FAM110B: variants seen among roughly 807,000 people sequenced by gnomAD.
FAM110B encodes family with sequence similarity 110 member B.
Under a neutral mutation model 20.4 loss-of-function variants are expected in FAM110B, and 6 were observed. The ratio of observed to expected loss-of-function variants is 0.29; its 90% CI spans 0.16 to 0.58. The LOEUF (loss-of-function observed/expected upper bound fraction) is 0.58, where lower values mean the gene tolerates loss of function less well. Among genes scored for constraint, FAM110B ranks in the 20% least tolerant of loss-of-function variants. The pLI, the probability that FAM110B is intolerant of heterozygous loss-of-function variation, is 0.90. For missense variants in FAM110B, 434 were observed against 498.2 expected (o/e 0.87, Z 1.23); for synonymous variants, 226 against 214.1 (o/e 1.06, Z -0.49).
chr8:58,123,384 C>A (rs766951660), intron 3 of FAM110B, among the ~76,000 whole-genome samples: 8 of 152,150 alleles, frequency 5.3e-5, no homozygotes, highest in Non-Finnish European at 8.8e-5. Flanking sequence ...TGATTGCCAC[C>A]GTCCTGTGAG....
At chr8:58,134,264 T>A (rs1413187571) in intron 3 of FAM110B, among the ~76,000 whole-genome samples, 1 of 152,244 alleles carries the variant, frequency 6.6e-6, no homozygotes, top group Non-Finnish European at 1.5e-5. Flanking sequence ...ACTATTTTTT[T>A]AAGTGAACTC....
intron 3 of FAM110B, among the ~76,000 whole-genome samples, chr8:58,079,389 T>A (rs1253910466): frequency 6.6e-6 from 1 of 151,602 alleles, no homozygotes; most frequent in South Asian, 2.1e-4. Context: ...AGGGATAGTC[T>A]CCCTCATACT....
chr8:58,099,887 G>T (rs1282491449), intron 3 of FAM110B, among the ~76,000 whole-genome samples: 1 of 152,104 alleles, frequency 6.6e-6, no homozygotes, highest in African/African-American at 2.4e-5. Flanking sequence ...TCATTTTAAA[G>T]ATTTTTATTG....
intron 3 of FAM110B, among the ~76,000 whole-genome samples, chr8:58,098,616 C>T (rs182759308): frequency 6.6e-6 from 1 of 152,298 alleles, no homozygotes; most frequent in Non-Finnish European, 1.5e-5. Flanking sequence ...GAAGCTAGCT[C>T]GATGTCTGCC....
chr8:58,030,703 CTGTCTGT>C (rs1804946778), intron 1 of FAM110B, among the ~76,000 whole-genome samples: 1 of 152,204 alleles, frequency 6.6e-6, no homozygotes, highest in African/African-American at 2.4e-5. Context: ...ACTTCCTTCC[CTGTCTGT>C]TGGCTCCTGC....
chr8:58,142,335 T>A (rs1293590176), intron 3 of FAM110B, among the ~76,000 whole-genome samples: 2 of 152,020 alleles, frequency 1.3e-5, no homozygotes, highest in Non-Finnish European at 2.9e-5. Flanking sequence ...GTAATCTGGG[T>A]CTCACCCGAA....
At chr8:58,098,030 A>C (rs935642103) in intron 3 of FAM110B, among the ~76,000 whole-genome samples, 6 of 152,220 alleles carry the variant, frequency 3.9e-5, no homozygotes, top group Non-Finnish European at 7.3e-5. Flanking sequence ...TCAGGGACCC[A>C]CTTGAGGGGG....
chr8:58,082,650 G>A (rs1030709481), intron 3 of FAM110B, among the ~76,000 whole-genome samples: 2 of 151,982 alleles, frequency 1.3e-5, no homozygotes, highest in East Asian at 1.9e-4. Context: ...CTGTAGAATC[G>A]AGCACAGAAT....
At chr8:58,048,502 C>G (rs1196058543) in intron 2 of FAM110B, among the ~76,000 whole-genome samples, 1 of 152,118 alleles carries the variant, frequency 6.6e-6, no homozygotes, top group Non-Finnish European at 1.5e-5. Flanking sequence ...CCTTCCTTCC[C>G]CCTGCCCTCC....
Position 58,094,644 on chromosome 8 carries a change from G to A in FAM110B, c.-325+19021G>A, listed in dbSNP as rs564945152. ...AGCTTTTTGATGTGCTGCCAGATTC[G>A]GTTTGCCAGTATTTTATTGAAGCTT... On this transcript the variant is annotated intron_variant, in intron 3 of 3. Coordinates refer to ENST00000519262, the MANE Select transcript of FAM110B (RefSeq NM_001377989.1). 2.6e-5 allele frequency among the ~76,000 whole-genome samples: 4 copies of A among 152,220 alleles called. No homozygotes were observed. The South Asian group carries it at 6.2e-4, about 24-fold the overall frequency.
In FAM110B at chr8:58,006,901, G is replaced by GTATATA. The variant is rs761091750; in HGVS notation, c.-512+12113_-512+12118dup. On this transcript the variant is annotated intron_variant, in intron 1 of 3. Coordinates refer to ENST00000519262, the MANE Select transcript of FAM110B (RefSeq NM_001377989.1). ...TGAGCCACTGGGCCTGGCTTAATTG[G>GTATATA]TATATATATATATATATATATATTT... Among the ~76,000 whole-genome samples the GTATATA allele has an allele frequency of 1.0e-3, 99 of 97,534 alleles. 5 individuals carry two copies. Among genetic ancestry groups the GTATATA allele is most frequent in the African/African-American group, 2.1e-3 (62 of 29,084 alleles). The allele number at this position is 97,534 out of a possible 152,430, so 64.0% of individuals were successfully genotyped here.
chr8:58,014,810 A>G (rs542900047), intron 1 of FAM110B, among the ~76,000 whole-genome samples: 1 of 144,576 alleles, frequency 6.9e-6, no homozygotes, highest in Admixed American at 6.7e-5. Context: ...AAGCAAACCT[A>G]TTATCTTTAT....
intron 3 of FAM110B, among the ~76,000 whole-genome samples, chr8:58,086,878 C>G (rs993249048): frequency 7.9e-5 from 12 of 152,216 alleles, no homozygotes; most frequent in Admixed American, 2.6e-4. Flanking sequence ...AAGGTGAGGA[C>G]AGTGGAGCTG....
intron 1 of FAM110B, among the ~76,000 whole-genome samples, chr8:58,015,331 T>G (rs1041515639): frequency 2.6e-5 from 4 of 151,832 alleles, no homozygotes; most frequent in Non-Finnish European, 5.9e-5. Context: ...CACTCCAGCC[T>G]GGACGACAGA....
In FAM110B at chr8:58,089,493, C is replaced by T. The variant is rs79196385; in HGVS notation, c.-325+13870C>T. ...CCTTCTACACCCAAGGGCTTTTTCCCTCCCTTGTCACTTCTTCCCTATTAG... is the reference window on the plus strand; with the variant it reads ...CCTTCTACACCCAAGGGCTTTTTCCTTCCCTTGTCACTTCTTCCCTATTAG... On this transcript the variant is annotated intron_variant, in intron 3 of 3. Transcript: ENST00000519262. 9.1e-3 allele frequency among the ~76,000 whole-genome samples: 1,392 copies of T among 152,300 alleles called. 27 individuals carry two copies. Among genetic ancestry groups the T allele is most frequent in the African/African-American group, 0.031 (1,303 of 41,554 alleles).
chr8:58,050,744 T>G (rs1273557485), intron 2 of FAM110B, among the ~76,000 whole-genome samples: 1 of 152,134 alleles, frequency 6.6e-6, no homozygotes, highest in African/African-American at 2.4e-5. Flanking sequence ...ACCCAGATAC[T>G]CTCTCTATCT....
At chr8:58,141,177 A>T (rs1318339259) in intron 3 of FAM110B, among the ~76,000 whole-genome samples, 2 of 152,248 alleles carry the variant, frequency 1.3e-5, no homozygotes, top group African/African-American at 4.8e-5. Flanking sequence ...TTGGAACCTG[A>T]TGCTTAAAGT....
chr8:58,137,960 C>T (rs1345535840), intron 3 of FAM110B, among the ~76,000 whole-genome samples: 1 of 152,362 alleles, frequency 6.6e-6, no homozygotes, highest in East Asian at 1.9e-4. Context: ...CAGCTCAGGG[C>T]CGCATTGGCT....
chr8:57,998,922 G>C (rs1335764346), intron 1 of FAM110B, among the ~76,000 whole-genome samples: 1 of 152,048 alleles, frequency 6.6e-6, no homozygotes, highest in Admixed American at 6.5e-5. Flanking sequence ...TGACATCTTA[G>C]ATTTCCTTAT....
Sources: gnomAD v4.1 joint callset for allele counts (sites outside exome capture counted in the v4.1 genomes callset) on GRCh38, gnomAD v4.1.1 for gene constraint, MANE v1.5 for transcripts, NCBI Gene and HGNC (gene_info 2026-07-23, HGNC 2026-07-21) for gene names.